The following DLGAP1 variants were observed in gnomAD, a reference collection of about 807,000 sequenced individuals.
DLGAP1 encodes the protein DLG associated protein 1.
DLGAP1 carries 11 observed loss-of-function variants against 90.8 expected under a neutral mutation model. The observed-to-expected ratio is 0.12, with a 90% CI of 0.08 to 0.20. The LOEUF (loss-of-function observed/expected upper bound fraction) is 0.20. Ranked by LOEUF, DLGAP1 falls within the 10% of genes least tolerant of loss-of-function variation. DLGAP1 has a pLI of 1.00. For synonymous variants in DLGAP1, 558 were observed against 540.7 expected (o/e 1.03, Z -0.44); for missense variants, 1,050 against 1,333.8 (o/e 0.79, Z 3.31).
At chr18:4,093,053 T>C (rs1038211925) in intron 2 of DLGAP1, among the ~76,000 whole-genome samples, 1 of 152,220 alleles carries the variant, frequency 6.6e-6, no homozygotes, top group East Asian at 1.9e-4. Context: ...AGCTCTTTGA[T>C]GGGTTTAAGA....
chr18:3,579,531 C>T (rs2055364589), intron 8 of DLGAP1, among the ~76,000 whole-genome samples: 1 of 152,126 alleles, frequency 6.6e-6, no homozygotes, highest in African/African-American at 2.4e-5. Flanking sequence ...TTAAATTAGC[C>T]TTAGAGTGGG....
Position 3,534,427 on chromosome 18 carries a change from T to C in DLGAP1, c.2246A>G (p.His749Arg). ...VSIQGSGNHYHACAADDDFDT... is the reference protein window; with the variant it reads ...VSIQGSGNHYRACAADDDFDT... ...AAAGTCATCATCGGCGGCACAGGCA[T>C]GGTAATGGTTTCCTGAGCCCTGAAT... Residue 749 changes from histidine (H) to arginine (R), a missense_variant, in exon 10 of 13, where the codon CAT becomes CGT. This residue lies in a region of DLGAP1 where 565 missense variants were observed against 879.7 expected (regional missense o/e 0.64). Coordinates refer to ENST00000315677, the MANE Select transcript of DLGAP1 (RefSeq NM_004746.4). 6.2e-7 allele frequency: 1 copy of C among 1,614,128 alleles called. No homozygotes were observed.
At chr18:3,524,346 C>A (rs2051463845) in intron 10 of DLGAP1, among the ~76,000 whole-genome samples, 1 of 151,598 alleles carries the variant, frequency 6.6e-6, no homozygotes, top group African/African-American at 2.4e-5. Context: ...ATTATTCAGC[C>A]CTAAAAAAGA....
chr18:3,811,007 T>C (rs1013935477), intron 5 of DLGAP1, among the ~76,000 whole-genome samples: 1 of 152,124 alleles, frequency 6.6e-6, no homozygotes, highest in South Asian at 2.1e-4. Context: ...GGTTTTGCCA[T>C]GTTGCCCAGG....
At position 4,281,160 on chromosome 18, in the gene DLGAP1, T is replaced by C. The variant is rs573759220; in HGVS notation, c.-266-129873A>G. 2.0e-4 allele frequency among the ~76,000 whole-genome samples: 31 copies of C among 152,336 alleles called. No individual in the cohort carries two copies. The South Asian group carries it at 6.4e-3, about 32-fold the overall frequency. On this transcript the variant is annotated intron_variant, in intron 1 of 12. Transcript: ENST00000315677. ...AACATTTATATGTATTTTACGTCAATGATCTGAACGTAGCTGCTTTTGGGA... is the reference window on the plus strand; with the variant it reads ...AACATTTATATGTATTTTACGTCAACGATCTGAACGTAGCTGCTTTTGGGA...
chr18:3,852,368 T>C lies in DLGAP1; in HGVS notation c.957+26744A>G, dbSNP rs1041354295. ...AGAAATATCTAACCTCAGCAAAGAGTGGAGCAGGATCCATAAGATACCAAG... is the reference window on the plus strand; with the variant it reads ...AGAAATATCTAACCTCAGCAAAGAGCGGAGCAGGATCCATAAGATACCAAG... On this transcript the variant is annotated intron_variant, in intron 4 of 12. Transcript: ENST00000315677. 1.3e-5 allele frequency among the ~76,000 whole-genome samples: 2 copies of C among 151,928 alleles called. 1 individual carries two copies. Among genetic ancestry groups the C allele is most frequent in the African/African-American group, 4.8e-5 (2 of 41,364 alleles).
In DLGAP1 at chr18:3,760,249, C is replaced by T. The variant is rs563593269; in HGVS notation, c.1173-17737G>A. Among the ~76,000 whole-genome samples the T allele has an allele frequency of 7.2e-5, 11 of 152,126 alleles. No homozygotes were observed. In the East Asian group the frequency reaches 2.1e-3, roughly 29 times the overall value. ...AGGCCCAGTGGGACTGTGATGAGGG[C>T]CTGGAGAAAATCAGGGAACTGCGGA... On this transcript the variant is annotated intron_variant, in intron 5 of 12. Coordinates refer to ENST00000315677, the MANE Select transcript of DLGAP1 (RefSeq NM_004746.4).
chr18:4,230,906 T>C (rs567157991), intron 1 of DLGAP1, among the ~76,000 whole-genome samples: 1 of 151,630 alleles, frequency 6.6e-6, no homozygotes, highest in African/African-American at 2.4e-5. Flanking sequence ...ACCTACTACA[T>C]ACTCCAAAAT....
intron 1 of DLGAP1, among the ~76,000 whole-genome samples, chr18:4,206,505 C>T (rs1321940784): frequency 6.6e-6 from 1 of 152,066 alleles, no homozygotes; most frequent in African/African-American, 2.4e-5. Flanking sequence ...GTCAGTGATG[C>T]CCATGGGAGG....
chr18:3,604,199 C>T (rs1283886172), intron 7 of DLGAP1: 1 of 152,348 alleles, frequency 6.6e-6, no homozygotes, highest in Non-Finnish European at 1.5e-5. Flanking sequence ...CCCATGGCAG[C>T]TGCAGTGAAG....
intron 3 of DLGAP1, among the ~76,000 whole-genome samples, chr18:3,882,977 C>A (rs1172137679): frequency 6.6e-6 from 1 of 152,204 alleles, no homozygotes; most frequent in Non-Finnish European, 1.5e-5. Context: ...GGTGCGGTGG[C>A]TCACGCCTGT....
chr18:4,302,874 T>C (rs536803341), intron 1 of DLGAP1, among the ~76,000 whole-genome samples: 1 of 152,380 alleles, frequency 6.6e-6, no homozygotes, highest in South Asian at 2.1e-4. Flanking sequence ...CATTTATTTA[T>C]GTCTTCTTCA....
intron 2 of DLGAP1, among the ~76,000 whole-genome samples, chr18:4,072,217 G>A (rs2075457953): frequency 6.6e-6 from 1 of 151,968 alleles, no homozygotes; most frequent in East Asian, 1.9e-4. Flanking sequence ...TTACTTTAAG[G>A]AGCCCAGATA....
At chr18:4,210,269 AG>A in intron 1 of DLGAP1, among the ~76,000 whole-genome samples, 1 of 152,340 alleles carries the variant, frequency 6.6e-6, no homozygotes, top group African/African-American at 2.4e-5. Flanking sequence ...GGTCATTAAA[AG>A]GTGTTGTGTA....
intron 3 of DLGAP1, among the ~76,000 whole-genome samples, chr18:3,907,962 G>A (rs1034674130): frequency 1.3e-5 from 2 of 152,216 alleles, no homozygotes; most frequent in East Asian, 3.8e-4. Context: ...TGTGTTGACT[G>A]TAATTGGAGC....
At chr18:3,513,079 G>C (rs978523123) in intron 10 of DLGAP1, among the ~76,000 whole-genome samples, 3 of 152,034 alleles carry the variant, frequency 2.0e-5, no homozygotes, top group Non-Finnish European at 4.4e-5. Context: ...TGTTTCCTGA[G>C]TTTTGACTAT....
rs1235302229 is a variant in DLGAP1 at position 4,322,209 on chromosome 18, G to GA, written c.-267+132796dup. 3.4e-5 allele frequency among the ~76,000 whole-genome samples: 5 copies of GA among 148,470 alleles called. No individual in the cohort carries two copies. In the South Asian group the frequency reaches 8.8e-4, roughly 26 times the overall value. On this transcript the variant is annotated intron_variant, in intron 1 of 12. Transcript: ENST00000315677. Reference sequence around the variant, plus strand: ...AGCAAGGCTCCATCTCAGAAAAAAAGAAAAAAAAAGAAAGAAAGAAAAAGG... The same window carrying GA: ...AGCAAGGCTCCATCTCAGAAAAAAAGAAAAAAAAAAGAAAGAAAGAAAAAGG...
At chr18:3,583,104 G>A (rs1440071113) in intron 7 of DLGAP1, among the ~76,000 whole-genome samples, 1 of 150,974 alleles carries the variant, frequency 6.6e-6, no homozygotes, top group Non-Finnish European at 1.5e-5. Flanking sequence ...CACCGGGCCC[G>A]GCCACTTCCC....
At chr18:4,422,520 T>C (rs12454788) in intron 1 of DLGAP1, among the ~76,000 whole-genome samples, 51,938 of 151,868 alleles carry the variant, frequency 0.34, 8,981 homozygotes, top group East Asian at 0.37. Context: ...GTGAATATAT[T>C]TGTTAAACAC....
Sources: gnomAD v4.1 joint callset for allele counts (sites outside exome capture counted in the v4.1 genomes callset) on GRCh38, gnomAD v4.1.1 for gene constraint, gnomAD v4.1.1 regional missense constraint, MANE v1.5 for transcripts, NCBI Gene and HGNC (gene_info 2026-07-23, HGNC 2026-07-21) for gene names.